Variants in PTPRD observed in about 807,000 individuals in gnomAD.
PTPRD encodes the protein receptor-type tyrosine-protein phosphatase delta.
Under a neutral mutation model 214.5 loss-of-function variants are expected in PTPRD, and 34 were observed. That is an observed-to-expected ratio of 0.16 (90% CI 0.12 to 0.21). PTPRD has a LOEUF of 0.21. PTPRD is among the 10% of genes least tolerant of loss of function. PTPRD has a pLI of 1.00. For missense variants in PTPRD, 2,545 were observed against 2,398.7 expected (o/e 1.06, Z -1.27); for synonymous variants, 1,128 against 845.7 (o/e 1.33, Z -5.79).
intron 9 of PTPRD, among the ~76,000 whole-genome samples, chr9:9,249,949 T>C (rs899071951): frequency 3.9e-5 from 6 of 152,062 alleles, no homozygotes; most frequent in Admixed American, 1.3e-4. Context: ...CAGGAGGAAA[T>C]TGGGAGAAAA....
intron 37 of PTPRD, among the ~76,000 whole-genome samples, chr9:8,382,918 G>C (rs1453480868): frequency 6.6e-6 from 1 of 152,192 alleles, no homozygotes; most frequent in Non-Finnish European, 1.5e-5. Flanking sequence ...ATTTGGAAAA[G>C]GACACAAACC....
At chr9:8,436,437 C>A (rs942192414) in intron 35 of PTPRD, among the ~76,000 whole-genome samples, 155 bp downstream of exon 35, 1 of 152,140 alleles carries the variant, frequency 6.6e-6, no homozygotes. Context: ...CTTGTGCAGA[C>A]ACTTTTAAGT....
At chr9:8,948,059 C>T (rs1444606535) in intron 11 of PTPRD, among the ~76,000 whole-genome samples, 1 of 147,288 alleles carries the variant, frequency 6.8e-6, no homozygotes, top group Non-Finnish European at 1.5e-5. Context: ...CTCACTCTGT[C>T]GCCAGGCTGG....
At chr9:9,626,691 T>C (rs1275607127) in intron 7 of PTPRD, among the ~76,000 whole-genome samples, 1 of 152,206 alleles carries the variant, frequency 6.6e-6, no homozygotes, top group African/African-American at 2.4e-5. Context: ...ATATTTAATC[T>C]GAAACTGAAG....
chr9:10,289,748 T>C (rs59323016), intron 3 of PTPRD, among the ~76,000 whole-genome samples: 13,051 of 152,240 alleles, frequency 0.086, 678 homozygotes, highest in South Asian at 0.19. Context: ...ATTCAACATG[T>C]ATTTTAAAGT....
At chr9:8,406,006 A>C (rs2092938820) in intron 35 of PTPRD, among the ~76,000 whole-genome samples, 1 of 152,168 alleles carries the variant, frequency 6.6e-6, no homozygotes, top group Non-Finnish European at 1.5e-5. Context: ...AGCAGTACAG[A>C]TTCCAGCCTC....
intron 11 of PTPRD, among the ~76,000 whole-genome samples, chr9:9,007,522 T>C (rs2099482912): frequency 6.6e-6 from 1 of 151,976 alleles, no homozygotes; most frequent in Non-Finnish European, 1.5e-5. Flanking sequence ...AATACTCCAA[T>C]AAACCAAATA....
At chr9:8,661,157 G>GC (rs1318609868) in intron 12 of PTPRD, among the ~76,000 whole-genome samples, 1 of 152,010 alleles carries the variant, frequency 6.6e-6, no homozygotes, top group Non-Finnish European at 1.5e-5. Flanking sequence ...CTTACAAGCT[G>GC]AAGAGACAAA....
intron 3 of PTPRD, among the ~76,000 whole-genome samples, chr9:10,069,731 G>GA (rs1352577793): frequency 1.3e-5 from 2 of 151,764 alleles, no homozygotes; most frequent in African/African-American, 4.8e-5. Flanking sequence ...TAGTTTTAGG[G>GA]AAAAAACAGA....
At chr9:8,847,358 TA>T (rs58086996) in intron 11 of PTPRD, among the ~76,000 whole-genome samples, 2 of 151,876 alleles carry the variant, frequency 1.3e-5, no homozygotes, top group East Asian at 1.9e-4. Context: ...AACCTAACTA[TA>T]AAAAAAACCC....
At chr9:8,702,014 T>C (rs1157121205) in intron 12 of PTPRD, among the ~76,000 whole-genome samples, 1 of 152,228 alleles carries the variant, frequency 6.6e-6, no homozygotes, top group Non-Finnish European at 1.5e-5. Context: ...TGGCTTTAGA[T>C]CTGATAGAAG....
intron 2 of PTPRD, among the ~76,000 whole-genome samples, chr9:10,552,992 A>G (rs1328778624): frequency 6.6e-6 from 1 of 152,140 alleles, no homozygotes; most frequent in Non-Finnish European, 1.5e-5. Flanking sequence ...CCTAGGGTAG[A>G]TTTATTTACA....
intron 8 of PTPRD, among the ~76,000 whole-genome samples, chr9:9,531,949 C>T (rs1030074993): frequency 7.3e-5 from 11 of 151,646 alleles, no homozygotes; most frequent in Non-Finnish European, 1.3e-4. Flanking sequence ...TATATACACA[C>T]ATATATTATA....
intron 2 of PTPRD, among the ~76,000 whole-genome samples, chr9:10,610,197 C>A (rs938274654): frequency 1.3e-5 from 2 of 152,100 alleles, no homozygotes; most frequent in African/African-American, 2.4e-5. Flanking sequence ...TCCTGCTTTG[C>A]CATTTTTATC....
At chr9:9,949,611 G>A (rs1420422708) in intron 4 of PTPRD, among the ~76,000 whole-genome samples, 1 of 152,104 alleles carries the variant, frequency 6.6e-6, no homozygotes, top group Non-Finnish European at 1.5e-5. Context: ...ACTACATCCA[G>A]GCTCCTAGTC....
chr9:8,630,665 C>T (rs535568891), intron 14 of PTPRD, among the ~76,000 whole-genome samples: 7 of 151,896 alleles, frequency 4.6e-5, no homozygotes, highest in African/African-American at 1.7e-4. Flanking sequence ...TACAAGTATA[C>T]TTACATATGA....
intron 2 of PTPRD, among the ~76,000 whole-genome samples, chr9:10,428,805 G>A (rs2098649920): frequency 6.6e-6 from 1 of 152,006 alleles, no homozygotes; most frequent in Non-Finnish European, 1.5e-5. Context: ...AAACACATGA[G>A]TGGAGCTTTG....
chr9:8,877,821 G>A (rs1222801289), intron 11 of PTPRD, among the ~76,000 whole-genome samples: 1 of 152,120 alleles, frequency 6.6e-6, no homozygotes, highest in African/African-American at 2.4e-5. Flanking sequence ...CTATAAACAA[G>A]TGTCTGAGGC....
intron 2 of PTPRD, among the ~76,000 whole-genome samples, chr9:10,501,424 G>A (rs556250625): frequency 1.6e-4 from 24 of 151,888 alleles, no homozygotes; most frequent in Admixed American, 9.8e-4. Context: ...TATATATTCT[G>A]GTTATTAACC....
Sources: gnomAD v4.1 joint callset for allele counts (sites outside exome capture counted in the v4.1 genomes callset) on GRCh38, gnomAD v4.1.1 for gene constraint, MANE v1.5 for transcripts, NCBI Gene and HGNC (gene_info 2026-07-23, HGNC 2026-07-21) for gene names.